Variants in KIF19 observed in about 807,000 individuals in gnomAD.
KIF19 encodes the protein kinesin-like protein KIF19.
Under a neutral mutation model 106.6 loss-of-function variants are expected in KIF19, and 98 were observed. The ratio of observed to expected loss-of-function variants is 0.92; its 90% CI spans 0.78 to 1.09. The LOEUF (loss-of-function observed/expected upper bound fraction) is 1.09. Ranked by LOEUF, KIF19 falls within the 50% of genes least tolerant of loss-of-function variation. The pLI is 0.00. For synonymous variants in KIF19, 516 were observed against 584.2 expected, an observed-to-expected ratio of 0.88 and a Z score of 1.68; for missense variants, 1,373 against 1,414.3, an observed-to-expected ratio of 0.97 and a Z score of 0.47.
In KIF19 at chr17:74,331,680, G is replaced by C. The variant is rs1053129386; in HGVS notation, c.120+3175G>C. On this transcript the variant is annotated intron_variant, in intron 2 of 19. Coordinates refer to ENST00000389916, the MANE Select transcript of KIF19 (RefSeq NM_153209.4). The surrounding 1 kb of genome is among the most constrained non-coding windows in gnomAD (Gnocchi z 4.1). ...CAACCTCCGCCTCCTGGATTCAAGC[G>C]ATTCTCCTGCCTCAGCCTCCCATGT... 3.3e-5 allele frequency among the ~76,000 whole-genome samples: 5 copies of C among 151,834 alleles called. No individual in the cohort carries two copies. Among genetic ancestry groups the C allele is most frequent in the African/African-American group, 9.7e-5 (4 of 41,338 alleles).
chr17:74,353,995 G>A (rs1432792349), intron 17 of KIF19, among the ~76,000 whole-genome samples, 167 bp from the exon 18 acceptor site: 1 of 152,250 alleles, frequency 6.6e-6, no homozygotes, highest in Non-Finnish European at 1.5e-5. Flanking sequence ...ATTTGCAGAT[G>A]AAAGTGAGGC....
rs200692534 is a variant in KIF19, at chr17:74,352,265, G to A, written c.1905G>A (p.Val635=). 2.9e-5 allele frequency: 47 copies of A among 1,613,054 alleles called. No individual in the cohort carries two copies. The highest frequency in any genetic ancestry group is 3.3e-4 in the Middle Eastern group (2 of 6,058). ...VPQRLEELYE[V]YLRELEEGSL... The stretch of plus-strand genomic sequence containing the variant: ...AGCGCCTGGAAGAGCTCTACGAAGT[G>A]TACCTGCGGGAGCTGGAGGAGGGCA... The change falls in exon 14 of 20, where the codon GTG becomes GTA. Residue 635 remains valine, a synonymous_variant. Transcript: ENST00000389916.
intron 2 of KIF19, among the ~76,000 whole-genome samples, chr17:74,338,456 C>T (rs1422374973): frequency 1.3e-5 from 2 of 152,086 alleles, no homozygotes; most frequent in Admixed American, 6.5e-5. Flanking sequence ...ACAAAGCCCC[C>T]GGTCCATCCT....
chr17:74,342,133 G>A (rs1598384333), intron 3 of KIF19, 147 bp downstream of exon 3: 3 of 642,446 alleles, frequency 4.7e-6, no homozygotes, highest in East Asian at 5.4e-5. Flanking sequence ...TCCCCATTCA[G>A]GAAGGTTCTC....
chr17:74,345,166 G>A (rs768197760), intron 7 of KIF19, among the ~76,000 whole-genome samples: 11 of 152,110 alleles, frequency 7.2e-5, no homozygotes, highest in Non-Finnish European at 1.2e-4. Context: ...GGAGACCCCC[G>A]GGTTAAGGAA....
chr17:74,352,555 C>T (rs2054744922), intron 14 of KIF19, among the ~76,000 whole-genome samples: 1 of 152,168 alleles, frequency 6.6e-6, no homozygotes, highest in Non-Finnish European at 1.5e-5. Context: ...TTGCTCCCAC[C>T]CAGGGTCTGA....
At position 74,328,429 on chromosome 17, in the gene KIF19, C is replaced by T. The variant is rs370336937; in HGVS notation, c.44C>T (p.Ala15Val). Residue 15 changes from alanine (A) to valine (V), a missense_variant, in exon 2 of 20, where the codon GCG becomes GTG. Around this residue, in one of 3 missense-constraint regions of KIF19, gnomAD observed 348 missense variants for 389.5 expected, o/e 0.89. Coordinates refer to ENST00000389916, the MANE Select transcript of KIF19 (RefSeq NM_153209.4). The stretch of plus-strand genomic sequence containing the variant: ...GGGCTTGGTTTTCCCTCCCAGGTGG[C>T]GCTTCGGGTCCGGCCCATCAGCGTG... The part of the protein sequence containing the change: ...GDSKDQQLMV[A>V]LRVRPISVAE... The T allele has an allele frequency of 3.3e-5, 53 of 1,606,316 alleles. No individual in the cohort carries two copies. The African/African-American group carries it at 4.0e-4, about 12-fold the overall frequency.
Position 74,353,269 on chromosome 17 carries a change from C to G in KIF19, c.2188C>G (p.Pro730Ala). 1 of 1,579,516 alleles carries G rather than the reference C, an allele frequency of 6.3e-7. No homozygotes were observed. The highest frequency in any genetic ancestry group is 8.6e-7 in the Non-Finnish European group (1 of 1,163,416). The part of the protein sequence containing the change: ...AKSSSVPTPP[P>A]IQLGSLVTQE... ...AAGCTCCTCTGTGCCCACCCCACCTCCCATCCAGCTCGGCAGCCTGGTGAC... is the reference window on the plus strand; with the variant it reads ...AAGCTCCTCTGTGCCCACCCCACCTGCCATCCAGCTCGGCAGCCTGGTGAC... The change falls in exon 16 of 20, where the codon CCC (proline) becomes GCC (alanine). Residue 730 changes from proline (P) to alanine (A), a missense_variant. Coordinates refer to ENST00000389916, the MANE Select transcript of KIF19 (RefSeq NM_153209.4).
intron 2 of KIF19, among the ~76,000 whole-genome samples, chr17:74,338,572 T>C (rs112772436): frequency 0.016 from 2,451 of 152,058 alleles, 72 homozygotes; most frequent in African/African-American, 0.055. Flanking sequence ...GCTTCCCTCC[T>C]CCACTGAGAA....
chr17:74,339,988 CCT>C (rs1251343703), intron 2 of KIF19, among the ~76,000 whole-genome samples: 1 of 152,158 alleles, frequency 6.6e-6, no homozygotes, highest in East Asian at 1.9e-4. Context: ...CCACCCCTGC[CCT>C]CTTAACAGCC....
intron 5 of KIF19, 60 bp downstream of exon 5, chr17:74,343,220 T>G: frequency 1.3e-6 from 2 of 1,570,650 alleles, no homozygotes; most frequent in South Asian, 2.3e-5. Context: ...CTGGTCACTG[T>G]GCAGCTTCCC....
chr17:74,353,183 C>T lies in KIF19; in HGVS notation c.2115-13C>T. 6.4e-7 allele frequency: 1 copy of T among 1,572,198 alleles called. No individual in the cohort carries two copies. The highest frequency in any genetic ancestry group is 8.6e-7 in the Non-Finnish European group (1 of 1,158,066). ...CTGGTCTACAGCCACTCATCTTCCT[C>T]TGCCAACTTCAGTGAAGGCCACCAC... On this transcript the variant is annotated splice_polypyrimidine_tract_variant and intron_variant, in intron 15 of 19. Transcript: ENST00000389916.
Position 74,344,348 on chromosome 17 carries a change from G to A in KIF19, c.582G>A (p.Glu194=). The A allele has an allele frequency of 6.2e-7, 1 of 1,612,054 alleles. No homozygotes were observed. Among genetic ancestry groups the A allele is most frequent in the South Asian group, 1.1e-5 (1 of 90,884 alleles). ...AAGTCTCCACCATCAATGCCAAGGA[G>A]GCGAGTTTTGTGTGGCCAGCCTGGA... ...ITEVSTINAK[E]IMQLLMKGNR... is the part of the protein sequence containing the mutation. Residue 194 remains glutamate, a splice_region_variant and synonymous_variant, in exon 6 of 20, where the codon GAG becomes GAA. Transcript: ENST00000389916.
chr17:74,330,854 G>A (rs1379670346), intron 2 of KIF19, among the ~76,000 whole-genome samples: 1 of 152,172 alleles, frequency 6.6e-6, no homozygotes, highest in East Asian at 1.9e-4. Context: ...TCTTGTCTGG[G>A]CTGGCACTGA....
In KIF19 at chr17:74,352,150, C is replaced by G. The variant is rs755842776; in HGVS notation, c.1858+13C>G. Reference sequence around the variant, plus strand: ...CAGATCATCGACGGTAGGGCCCACGCCCCCGCGCATCTGAGCCACCCGCGG... The same window carrying G: ...CAGATCATCGACGGTAGGGCCCACGGCCCCGCGCATCTGAGCCACCCGCGG... On this transcript the variant is annotated intron_variant, in intron 13 of 19. Coordinates refer to ENST00000389916, the MANE Select transcript of KIF19 (RefSeq NM_153209.4). 7 of 1,583,708 alleles carry G rather than the reference C, an allele frequency of 4.4e-6. No homozygotes were observed. In the East Asian group the frequency reaches 1.4e-4, roughly 31 times the overall value.
chr17:74,333,550 C>T (rs980251400), intron 2 of KIF19, among the ~76,000 whole-genome samples: 2 of 151,802 alleles, frequency 1.3e-5, no homozygotes, highest in Non-Finnish European at 2.9e-5. Flanking sequence ...TTAGTAGAGA[C>T]GGGTTTCCTC....
chr17:74,354,748 C>T (rs1341975341), intron 18 of KIF19, 34 bp from the exon 19 acceptor site: 1 of 1,544,366 alleles, frequency 6.5e-7, no homozygotes, highest in Admixed American at 2.0e-5. Flanking sequence ...CCCTGTGCCG[C>T]TCTCGGCCTC....
chr17:74,326,631 C>G (rs2144178183), intron 1 of KIF19, among the ~76,000 whole-genome samples: 1 of 152,300 alleles, frequency 6.6e-6, no homozygotes, highest in Non-Finnish European at 1.5e-5. Context: ...CCCACCTTTC[C>G]ACCCTCCCAT....
intron 2 of KIF19, among the ~76,000 whole-genome samples, chr17:74,335,191 C>G (rs559215444): frequency 6.6e-6 from 1 of 152,130 alleles, no homozygotes; most frequent in Non-Finnish European, 1.5e-5. Context: ...GGGAAGGGTG[C>G]GACTGGCATC....
Sources: gnomAD v4.1 joint callset for allele counts (sites outside exome capture counted in the v4.1 genomes callset) on GRCh38, gnomAD v4.1.1 for gene constraint, gnomAD v4.1.1 regional missense constraint, Gnocchi (gnomAD v3.1) non-coding constraint, MANE v1.5 for transcripts, NCBI Gene and HGNC (gene_info 2026-07-23, HGNC 2026-07-21) for gene names.